Variants in WWOX observed in about 807,000 individuals in gnomAD.
WWOX encodes the protein WW domain-containing oxidoreductase.
A neutral mutation model predicts 46.2 loss-of-function variants in WWOX; 69 were observed. The observed-to-expected ratio is 1.49, with a 90% CI of 1.23 to 1.82. WWOX has a LOEUF of 1.82. Ranked by LOEUF, WWOX falls within the 40% of genes most tolerant of loss-of-function variation. WWOX has a pLI of 0.00. For missense variants in WWOX, 919 were observed against 542.6 expected (o/e 1.69, Z -6.89); for synonymous variants, 359 against 202.6 (o/e 1.77, Z -6.56).
chr16:78,914,063 T>C (rs2045182098), intron 8 of WWOX, among the ~76,000 whole-genome samples: 1 of 152,076 alleles, frequency 6.6e-6, no homozygotes, highest in Admixed American at 6.5e-5. Context: ...CAACTGCATT[T>C]GGAAATGGAG....
At chr16:78,190,420 G>T (rs2035849099) in intron 5 of WWOX, among the ~76,000 whole-genome samples, 1 of 152,118 alleles carries the variant, frequency 6.6e-6, no homozygotes. Flanking sequence ...GCAAGTTTTG[G>T]CTGAGTTTCT....
chr16:79,119,819 A>C (rs1482398662), intron 8 of WWOX, among the ~76,000 whole-genome samples: 1 of 152,176 alleles, frequency 6.6e-6, no homozygotes, highest in South Asian at 2.1e-4. Context: ...TAGGATCAAG[A>C]GGCCAGAGAA....
chr16:79,124,528 T>G (rs901509734), intron 8 of WWOX, among the ~76,000 whole-genome samples: 1 of 152,210 alleles, frequency 6.6e-6, no homozygotes, highest in Non-Finnish European at 1.5e-5. Context: ...GAGTTCATTC[T>G]TGTTCAGATT....
intron 8 of WWOX, among the ~76,000 whole-genome samples, chr16:78,646,225 T>C (rs1453593791): frequency 6.6e-6 from 1 of 152,110 alleles, no homozygotes; most frequent in African/African-American, 2.4e-5. Flanking sequence ...CTTGCTCTAT[T>C]GCCAGGCTGA....
chr16:78,814,243 C>T (rs905005288), intron 8 of WWOX, among the ~76,000 whole-genome samples: 1 of 152,166 alleles, frequency 6.6e-6, no homozygotes, highest in African/African-American at 2.4e-5. Context: ...CTTACATCAA[C>T]AATTTTTCAT....
chr16:79,030,863 G>A (rs554985463), intron 8 of WWOX, among the ~76,000 whole-genome samples: 1 of 152,156 alleles, frequency 6.6e-6, no homozygotes, highest in African/African-American at 2.4e-5. Context: ...CAGGAGGATC[G>A]CTTGAGCCCA....
chr16:78,226,711 G>A (rs1392001628), intron 5 of WWOX, among the ~76,000 whole-genome samples: 1 of 152,110 alleles, frequency 6.6e-6, no homozygotes, highest in Non-Finnish European at 1.5e-5. Context: ...ACACTGGATA[G>A]GTAATAGACG....
intron 8 of WWOX, among the ~76,000 whole-genome samples, chr16:78,982,520 C>T (rs566007433): frequency 6.6e-6 from 1 of 152,286 alleles, no homozygotes; most frequent in African/African-American, 2.4e-5. Flanking sequence ...TATCTTTAGA[C>T]TTTAACTGAC....
intron 5 of WWOX, among the ~76,000 whole-genome samples, chr16:78,269,429 C>T (rs559048551): frequency 6.6e-6 from 1 of 152,142 alleles, no homozygotes. Flanking sequence ...GCTGATGGCT[C>T]CTGCAGCAGC....
chr16:78,729,950 A>G (rs1046583290), intron 8 of WWOX, among the ~76,000 whole-genome samples: 1 of 152,124 alleles, frequency 6.6e-6, no homozygotes, highest in African/African-American at 2.4e-5. Context: ...ATCCAGAGCA[A>G]TCGAAGGTCA....
intron 8 of WWOX, among the ~76,000 whole-genome samples, chr16:78,720,337 CAAGA>C (rs1266313218): frequency 1.3e-5 from 2 of 152,066 alleles, no homozygotes; most frequent in African/African-American, 4.8e-5. Context: ...TTTCTTTTCA[CAAGA>C]AAGAATTATT....
chr16:78,959,158 A>C (rs2046225978), intron 8 of WWOX, among the ~76,000 whole-genome samples: 1 of 152,238 alleles, frequency 6.6e-6, no homozygotes, highest in South Asian at 2.1e-4. Context: ...GTAGAGTATG[A>C]AAGTAAAATA....
chr16:79,134,112 G>C (rs2049936735), intron 8 of WWOX, among the ~76,000 whole-genome samples: 1 of 151,962 alleles, frequency 6.6e-6, no homozygotes, highest in African/African-American at 2.4e-5. Context: ...AAAATATGCT[G>C]ATCTGGGTGA....
intron 1 of WWOX, among the ~76,000 whole-genome samples, chr16:78,105,243 G>T (rs1208708910): frequency 6.6e-6 from 1 of 152,126 alleles, no homozygotes; most frequent in African/African-American, 2.4e-5. Context: ...AGGTGGATCA[G>T]TTGAGGTCAG....
At chr16:78,417,542 G>A (rs770295428) in intron 6 of WWOX, among the ~76,000 whole-genome samples, 2 of 152,158 alleles carry the variant, frequency 1.3e-5, no homozygotes, top group Admixed American at 6.5e-5. Context: ...AATAGCCCTG[G>A]AAAAGTGAGC....
chr16:79,075,861 T>G (rs1010116721), intron 8 of WWOX, among the ~76,000 whole-genome samples: 2 of 152,184 alleles, frequency 1.3e-5, no homozygotes, highest in Non-Finnish European at 2.9e-5. Context: ...AAAAAACATA[T>G]TAAGTTATTT....
chr16:78,925,518 T>G (rs1335298625), intron 8 of WWOX, among the ~76,000 whole-genome samples: 1 of 152,220 alleles, frequency 6.6e-6, no homozygotes, highest in South Asian at 2.1e-4. Context: ...AGGAACTCGC[T>G]TATGTGTGTT....
intron 8 of WWOX, among the ~76,000 whole-genome samples, chr16:78,764,733 G>T (rs1465481483): frequency 1.3e-5 from 2 of 151,162 alleles, no homozygotes; most frequent in East Asian, 2.0e-4. Flanking sequence ...TCCTTCCTAA[G>T]GCTGTGAGGA....
intron 8 of WWOX, chr16:79,077,357 T>C (rs1227289149): frequency 6.6e-6 from 1 of 152,062 alleles, no homozygotes; most frequent in Non-Finnish European, 1.5e-5. Context: ...ATGGGGAAAA[T>C]TGCCGTGGCC....
Sources: gnomAD v4.1 joint callset for allele counts (sites outside exome capture counted in the v4.1 genomes callset) on GRCh38, gnomAD v4.1.1 for gene constraint, MANE v1.5 for transcripts, NCBI Gene and HGNC (gene_info 2026-07-23, HGNC 2026-07-21) for gene names.